Variants in DNAJB4 observed in about 807,000 individuals in gnomAD.
DNAJB4 encodes the protein DnaJ heat shock protein family (Hsp40) member B4.
A neutral mutation model predicts 26.6 loss-of-function variants in DNAJB4; 10 were observed. The ratio of observed to expected loss-of-function variants is 0.38; its 90% CI spans 0.23 to 0.64. The LOEUF (loss-of-function observed/expected upper bound fraction) is 0.64, where lower values mean the gene tolerates loss of function less well. Ranked by LOEUF, DNAJB4 falls within the 30% of genes least tolerant of loss-of-function variation. The pLI is 0.58. For synonymous variants in DNAJB4, 136 were observed against 134.8 expected, an observed-to-expected ratio of 1.01 and a Z score of -0.06; for missense variants, 328 against 408.2, an observed-to-expected ratio of 0.80 and a Z score of 1.69.
At chr1:78,005,425 T>C in intron 1 of DNAJB4, 104 bp downstream of exon 1, 1 of 980,298 alleles carries the variant, frequency 1.0e-6, no homozygotes, top group Non-Finnish European at 1.5e-6. Flanking sequence ...TTGTTAAGGT[T>C]ATCCTTAAAT....
At chr1:78,008,255 G>A (rs1052177200) in intron 1 of DNAJB4, among the ~76,000 whole-genome samples, 1 of 151,332 alleles carries the variant, frequency 6.6e-6, no homozygotes, top group Non-Finnish European at 1.5e-5. Flanking sequence ...TCTATAAAAG[G>A]GAAACAAAAA....
chr1:77,999,574 T>C (rs547107712), intron 1 of DNAJB4, among the ~76,000 whole-genome samples: 1 of 152,246 alleles, frequency 6.6e-6, no homozygotes, highest in South Asian at 2.1e-4. Context: ...TTATGCCAAG[T>C]AAAACTTCCT....
In DNAJB4 at chr1:78,012,251, C is replaced by T. The variant is rs1449696553; in HGVS notation, c.212-800C>T. 6.2e-5 allele frequency among the ~76,000 whole-genome samples: 9 copies of T among 145,488 alleles called. No individual in the cohort carries two copies. In the South Asian group the frequency reaches 8.6e-4, roughly 14 times the overall value. ...GATCTCAGCTCGCTGCAACTTCTGC[C>T]TCCCAGGTTCAAGTGATTCTCCTGC... On this transcript the variant is annotated intron_variant, in intron 1 of 2. Coordinates refer to ENST00000370763, the MANE Select transcript of DNAJB4 (RefSeq NM_007034.5).
chr1:77,981,043 A>G (rs1001500961), intron 1 of DNAJB4, among the ~76,000 whole-genome samples: 10 of 152,212 alleles, frequency 6.6e-5, no homozygotes, highest in African/African-American at 2.4e-4. Flanking sequence ...AGGCAATACA[A>G]TCAGATCTTT....
chr1:78,003,028 TA>T (rs1171237201), upstream of DNAJB4, among the ~76,000 whole-genome samples: 1 of 151,200 alleles, frequency 6.6e-6, no homozygotes, highest in Non-Finnish European at 1.5e-5. Flanking sequence ...AATAAGTGTC[TA>T]TTTTTTTTTT....
upstream of DNAJB4, among the ~76,000 whole-genome samples, chr1:78,004,087 A>G (rs1031423201): frequency 6.6e-6 from 1 of 152,188 alleles, no homozygotes; most frequent in Non-Finnish European, 1.5e-5. Context: ...TAAGTCTTGT[A>G]AGGAACATGA....
intron 1 of DNAJB4, among the ~76,000 whole-genome samples, chr1:78,010,965 A>G (rs1660456263): frequency 6.6e-6 from 1 of 152,188 alleles, no homozygotes; most frequent in African/African-American, 2.4e-5. Context: ...CAAAATAAAT[A>G]TATTTCCTGC....
chr1:77,982,913 C>G (rs1193625873), intron 1 of DNAJB4, among the ~76,000 whole-genome samples: 1 of 152,176 alleles, frequency 6.6e-6, no homozygotes, highest in Admixed American at 6.5e-5. Context: ...GTGGGTTGCC[C>G]CTCCACACCT....
At chr1:77,985,590 C>T (rs1479208570) in intron 1 of DNAJB4, among the ~76,000 whole-genome samples, 1 of 152,034 alleles carries the variant, frequency 6.6e-6, no homozygotes, top group Non-Finnish European at 1.5e-5. Flanking sequence ...GCATATTAAG[C>T]TTTAGACACC....
rs1660296872 is a variant in DNAJB4 at position 78,005,167 on chromosome 1, T to C, written c.57T>C (p.Asp19=). 6 of 1,614,130 alleles carry C rather than the reference T, an allele frequency of 3.7e-6. No homozygotes were observed. The highest frequency in any genetic ancestry group is 5.1e-6 in the Non-Finnish European group (6 of 1,179,986). Residue 19 remains aspartate, a synonymous_variant, in exon 1 of 3, where the codon GAT becomes GAC. Coordinates refer to ENST00000370763, the MANE Select transcript of DNAJB4 (RefSeq NM_007034.5). ...LGIEKGASDE[D]IKKAYRKQAL... ...TTGAGAAAGGAGCTTCAGATGAAGA[T>C]ATTAAAAAGGCTTACCGAAAACAAG...
At chr1:77,993,598 A>G (rs1379765794) in intron 1 of DNAJB4, among the ~76,000 whole-genome samples, 1 of 152,168 alleles carries the variant, frequency 6.6e-6, no homozygotes, top group Non-Finnish European at 1.5e-5. Flanking sequence ...TATAGGCATG[A>G]GCCACCGTGC....
chr1:78,005,983 G>A (rs1238854714), intron 1 of DNAJB4, among the ~76,000 whole-genome samples: 1 of 152,140 alleles, frequency 6.6e-6, no homozygotes, highest in African/African-American at 2.4e-5. Context: ...CAATAATTTT[G>A]TGCCAAGAAA....
chr1:78,014,592 CTAT>C lies in DNAJB4; in HGVS notation c.780+990_780+992del, dbSNP rs558264500. Reference sequence around the variant, plus strand: ...GTATATGCACTTCCCCAAGTTTGCTCTATTATTATTATTATTATTTTTTTGAGA... The same window carrying C: ...GTATATGCACTTCCCCAAGTTTGCTCTATTATTATTATTATTTTTTTGAGA... On this transcript the variant is annotated intron_variant, in intron 2 of 2. Coordinates refer to ENST00000370763, the MANE Select transcript of DNAJB4 (RefSeq NM_007034.5). Among the ~76,000 whole-genome samples, 6 of 151,856 alleles carry C rather than the reference CTAT, an allele frequency of 4.0e-5. No homozygotes were observed. In the East Asian group the frequency reaches 7.8e-4, roughly 20 times the overall value.
intron 1 of DNAJB4, among the ~76,000 whole-genome samples, chr1:78,007,329 T>G (rs1296569663): frequency 6.6e-6 from 1 of 152,074 alleles, no homozygotes; most frequent in Non-Finnish European, 1.5e-5. Context: ...TGCCTGTAAT[T>G]CCAACACTTT....
Position 78,016,014 on chromosome 1 carries a change from G to T in DNAJB4, c.781G>T (p.Ala261Ser), listed in dbSNP as rs745335045. Reference protein sequence around the residue: ...IYTAKISLREALCGCSINVPT... With the variant: ...IYTAKISLRESLCGCSINVPT... Reference sequence around the variant, plus strand: ...TTTTATTTTATTTGGTCCATTTTAGGCATTGTGTGGCTGCTCAATTAATGT... The same window carrying T: ...TTTTATTTTATTTGGTCCATTTTAGTCATTGTGTGGCTGCTCAATTAATGT... Residue 261 changes from alanine (A) to serine (S), a missense_variant and splice_region_variant, in exon 3 of 3, where the codon GCA becomes TCA. Physicochemically the swap from Ala to Ser is moderately conservative, Grantham distance 99. Coordinates refer to ENST00000370763, the MANE Select transcript of DNAJB4 (RefSeq NM_007034.5). 6.2e-7 allele frequency: 1 copy of T among 1,612,434 alleles called. No individual in the cohort carries two copies. Among genetic ancestry groups the T allele is most frequent in the East Asian group, 2.2e-5 (1 of 44,820 alleles).
intron 1 of DNAJB4, among the ~76,000 whole-genome samples, chr1:77,985,984 A>G (rs989577424): frequency 1.3e-5 from 2 of 152,184 alleles, no homozygotes; most frequent in African/African-American, 4.8e-5. Flanking sequence ...CTAACCAATA[A>G]TATCCTGTAG....
chr1:77,983,549 T>G (rs913247717), intron 1 of DNAJB4, among the ~76,000 whole-genome samples: 1 of 152,118 alleles, frequency 6.6e-6, no homozygotes, highest in South Asian at 2.1e-4. Flanking sequence ...CTTCCACAGT[T>G]TTTGTGTCCC....
At chr1:78,012,991 G>A (rs3790586) in intron 1 of DNAJB4, 60 bp from the exon 2 acceptor site, 1,157,709 of 1,448,290 alleles carry the variant, frequency 0.8, 467,676 homozygotes, top group Non-Finnish European at 0.83. Context: ...TACAGTTTTT[G>A]AAAGTTTAAC....
At chr1:77,997,345 A>G (rs571173857) in intron 1 of DNAJB4, among the ~76,000 whole-genome samples, 4 of 150,600 alleles carry the variant, frequency 2.7e-5, no homozygotes, top group Admixed American at 1.3e-4. Flanking sequence ...CTATATCTAT[A>G]TCTATATCTA....
Sources: gnomAD v4.1 joint callset for allele counts (sites outside exome capture counted in the v4.1 genomes callset) on GRCh38, gnomAD v4.1.1 for gene constraint, MANE v1.5 for transcripts, NCBI Gene and HGNC (gene_info 2026-07-23, HGNC 2026-07-21) for gene names.